The following GRAMD2B variants were observed in gnomAD, a reference collection of about 807,000 sequenced individuals.
GRAMD2B encodes the protein GRAM domain-containing protein 2B.
GRAMD2B carries 41 observed loss-of-function variants against 59.2 expected under a neutral mutation model. The observed-to-expected ratio is 0.69, with a 90% CI of 0.54 to 0.90. GRAMD2B has a LOEUF of 0.90. GRAMD2B is among the 40% of genes least tolerant of loss of function. The pLI is 0.00. For synonymous variants in GRAMD2B, 161 were observed against 182.7 expected, an observed-to-expected ratio of 0.88 and a Z score of 0.96; for missense variants, 424 against 500.5, an observed-to-expected ratio of 0.85 and a Z score of 1.46.
rs778946211 is a variant in GRAMD2B, at chr5:126,423,672, C to G, written c.66C>G (p.Ser22Arg). Residue 22 changes from serine (S) to arginine (R), a missense_variant, in exon 1 of 14, where the codon AGC becomes AGG. Physicochemically the swap from Ser to Arg is moderately radical, Grantham distance 110. Coordinates refer to ENST00000285689, the MANE Select transcript of GRAMD2B (RefSeq NM_023927.4). ...CGAAAGTGCTCGGGAAGAGGGAGAG[C>G]AAACTTGGCTCAGCCCAGTGAGTAT... is the stretch of plus-strand genomic sequence containing the variant. ...KPAKVLGKRESKLGSAHSEAE... is the reference protein window; with the variant it reads ...KPAKVLGKRERKLGSAHSEAE... The G allele has an allele frequency of 2.1e-5, 34 of 1,608,198 alleles. 1 individual carries two copies. The South Asian group carries it at 2.5e-4, about 12-fold the overall frequency.
rs1417737076 is a variant in GRAMD2B at position 126,493,671 on chromosome 5, T to C, written c.*715T>C. On this transcript the variant is annotated 3_prime_UTR_variant, in exon 14 of 14. Coordinates refer to ENST00000285689, the MANE Select transcript of GRAMD2B (RefSeq NM_023927.4). ...GTCAAGAATCTGTGAGGCATGTGAC[T>C]GAAGTACTAAATTAAACTTATTTTG... is the stretch of plus-strand genomic sequence containing the variant. The C allele has an allele frequency of 1.3e-5, 2 of 152,254 alleles. No individual in the cohort carries two copies. Among genetic ancestry groups the C allele is most frequent in the African/African-American group, 4.8e-5 (2 of 41,462 alleles). The allele number at this position is 152,254 out of a possible 1,614,324, so 9.4% of individuals were successfully genotyped here.
chr5:126,390,616 A>C (rs1484666663), intron 1 of GRAMD2B, among the ~76,000 whole-genome samples: 1 of 152,244 alleles, frequency 6.6e-6, no homozygotes, highest in Non-Finnish European at 1.5e-5. Flanking sequence ...AGAAAGTTAT[A>C]TAACCGTAAG....
Position 126,492,971 on chromosome 5 carries a change from T to G in GRAMD2B, c.*15T>G. ...ATGGTGACTGATCGACCAGATTGCTTGGGCCATCGGAATACCTCATGTTTC... is the reference window on the plus strand; with the variant it reads ...ATGGTGACTGATCGACCAGATTGCTGGGGCCATCGGAATACCTCATGTTTC... On this transcript the variant is annotated 3_prime_UTR_variant, in exon 14 of 14. Transcript: ENST00000285689. The G allele has an allele frequency of 6.2e-7, 1 of 1,609,778 alleles. No homozygotes were observed. Among genetic ancestry groups the G allele is most frequent in the South Asian group, 1.1e-5 (1 of 90,958 alleles).
intron 1 of GRAMD2B, among the ~76,000 whole-genome samples, chr5:126,395,134 A>G (rs886598559): frequency 6.6e-6 from 1 of 152,196 alleles, no homozygotes; most frequent in African/African-American, 2.4e-5. Context: ...AAATAGAATA[A>G]TAATGTTTTA....
intron 1 of GRAMD2B, among the ~76,000 whole-genome samples, chr5:126,379,359 T>C (rs1479116499): frequency 1.3e-5 from 2 of 152,202 alleles, no homozygotes; most frequent in African/African-American, 4.8e-5. Flanking sequence ...TGTGTTGCTA[T>C]AAACATGTAT....
At chr5:126,376,070 T>C (rs1029560264) in intron 1 of GRAMD2B, among the ~76,000 whole-genome samples, 2 of 152,212 alleles carry the variant, frequency 1.3e-5, no homozygotes, top group Admixed American at 6.5e-5. Context: ...AATTAAGAGT[T>C]TCATAAATTA....
intron 1 of GRAMD2B, among the ~76,000 whole-genome samples, chr5:126,453,070 G>A (rs1365263455): frequency 6.6e-6 from 1 of 152,112 alleles, no homozygotes; most frequent in Non-Finnish European, 1.5e-5. Context: ...TGGTGGAGAA[G>A]AGCCCCAAAA....
intron 1 of GRAMD2B, among the ~76,000 whole-genome samples, chr5:126,450,198 G>C (rs1382587602): frequency 2.0e-5 from 3 of 152,166 alleles, no homozygotes; most frequent in Non-Finnish European, 4.4e-5. Context: ...CTGAGGGCCA[G>C]AGTAGTACAG....
At chr5:126,417,333 T>TA (rs200560370) in intron 1 of GRAMD2B, among the ~76,000 whole-genome samples, 1,523 of 152,050 alleles carry the variant, frequency 0.01, 40 homozygotes, top group African/African-American at 0.035. Context: ...GAGAACAAGT[T>TA]AAAAAAAATC....
At chr5:126,487,233 G>A (rs906877261) in intron 12 of GRAMD2B, among the ~76,000 whole-genome samples, 5 of 152,130 alleles carry the variant, frequency 3.3e-5, no homozygotes, top group Non-Finnish European at 2.9e-5. Context: ...TATCTTGCTC[G>A]AATATGCTAA....
Position 126,403,830 on chromosome 5 carries a change from C to T in GRAMD2B, c.125+32263C>T, listed in dbSNP as rs193036845. Among the ~76,000 whole-genome samples, 734 of 151,898 alleles carry T rather than the reference C, an allele frequency of 4.8e-3. 6 individuals are homozygous for T. The highest frequency in any genetic ancestry group is 7.5e-3 in the Non-Finnish European group (511 of 67,850). Reference sequence around the variant, plus strand: ...AGATTTTCTAAATACATATAATTATCCCCCAAGTTCTGCTAATAAGGAAGA... The same window carrying T: ...AGATTTTCTAAATACATATAATTATTCCCCAAGTTCTGCTAATAAGGAAGA... On this transcript the variant is annotated intron_variant, in intron 1 of 8. Transcript: ENST00000506445.
chr5:126,487,665 A>G lies in GRAMD2B; in HGVS notation c.1163+688A>G, dbSNP rs73785324. ...GTATTCACCACATGCTGAAGGCTCTATTAGAATGGATACATACACATACAA... is the reference window on the plus strand; with the variant it reads ...GTATTCACCACATGCTGAAGGCTCTGTTAGAATGGATACATACACATACAA... On this transcript the variant is annotated intron_variant, in intron 12 of 13. Transcript: ENST00000285689. Among the ~76,000 whole-genome samples, 1,420 of 152,366 alleles carry G rather than the reference A, an allele frequency of 9.3e-3. 34 individuals carry two copies. Among genetic ancestry groups the G allele is most frequent in the African/African-American group, 0.032 (1,340 of 41,598 alleles).
chr5:126,462,336 T>C, intron 1 of GRAMD2B: 1 of 818,138 alleles, frequency 1.2e-6, no homozygotes, highest in Non-Finnish European at 1.5e-6. Flanking sequence ...CAAAAGGCCT[T>C]GAGGAAGCAT....
chr5:126,485,595 T>C (rs56343611), intron 10 of GRAMD2B, 91 bp from the exon 11 acceptor site: 19,144 of 687,824 alleles, frequency 0.028, 341 homozygotes, highest in Non-Finnish European at 0.037. Flanking sequence ...CTGGGAACAA[T>C]TACCTCTCTC....
chr5:126,368,602 T>C (rs1379376968), upstream of GRAMD2B, among the ~76,000 whole-genome samples: 8 of 152,176 alleles, frequency 5.3e-5, no homozygotes, highest in Non-Finnish European at 1.2e-4. Context: ...AAAACTTGAA[T>C]GCCCTGAGGG....
intron 9 of GRAMD2B, among the ~76,000 whole-genome samples, chr5:126,483,811 G>A (rs1772335215): frequency 6.6e-6 from 1 of 152,162 alleles, no homozygotes; most frequent in Admixed American, 6.5e-5. Flanking sequence ...CTTTTAAATA[G>A]ACCTAACGTT....
intron 1 of GRAMD2B, among the ~76,000 whole-genome samples, chr5:126,403,963 G>A (rs1160170368): frequency 6.6e-6 from 1 of 151,742 alleles, no homozygotes; most frequent in Non-Finnish European, 1.5e-5. Context: ...GATGAAATTT[G>A]TTGTTTCAAA....
intron 1 of GRAMD2B, among the ~76,000 whole-genome samples, chr5:126,440,377 T>C (rs1763089801): frequency 6.6e-6 from 1 of 152,182 alleles, no homozygotes; most frequent in African/African-American, 2.4e-5. Context: ...TCTGAAAGAT[T>C]GAAGCATTCA....
chr5:126,423,300 A>G (rs940554505), upstream of GRAMD2B: 9 of 1,226,726 alleles, frequency 7.3e-6, no homozygotes, highest in Non-Finnish European at 9.1e-6. Flanking sequence ...GACTCGTTCA[A>G]CAGGTTTCCT....
Sources: allele counts gnomAD v4.1 joint callset (sites outside exome capture counted in the v4.1 genomes callset), GRCh38; gene constraint gnomAD v4.1.1; transcripts MANE v1.5; gene names NCBI Gene and HGNC (gene_info 2026-07-23, HGNC 2026-07-21).